The following NHSL2 variants were observed in gnomAD, a reference collection of about 807,000 sequenced individuals.
The protein encoded by NHSL2 is NHS like 2.
Under a neutral mutation model 53.4 loss-of-function variants are expected in NHSL2, and 27 were observed. That is an observed-to-expected ratio of 0.51 (90% CI 0.37 to 0.70). The LOEUF (loss-of-function observed/expected upper bound fraction) is 0.70, where lower values mean the gene tolerates loss of function less well. Ranked by LOEUF, NHSL2 falls within the 30% of genes least tolerant of loss-of-function variation. The pLI, the probability that NHSL2 is intolerant of heterozygous loss-of-function variation, is 0.00. For synonymous variants in NHSL2, 408 were observed against 404.1 expected (o/e 1.01, Z -0.12); for missense variants, 892 against 980.1 (o/e 0.91, Z 1.20).
intron 1 of NHSL2, chrX:72,044,515 G>A (rs1037391716): frequency 3.6e-6 from 2 of 556,293 alleles, no homozygotes; most frequent in African/African-American, 4.6e-5. Context: ...TAAGAAGAGT[G>A]GCCCGCTCTC....
chrX:72,124,443 G>A (rs1398372883), intron 1 of NHSL2, among the ~76,000 whole-genome samples: 1 of 111,354 alleles, frequency 9.0e-6, no homozygotes, highest in Non-Finnish European at 1.9e-5. Flanking sequence ...CTGGATCTGT[G>A]GGTCGGTTCT....
rs1307746047 is a variant in NHSL2 at position 72,076,083 on chromosome X, G to A, written c.281-55996G>A. ...CAAGTAGCTGAGATTACAGGCATAT[G>A]CCACCACGCCCAGCTAATTTTGTAT... On this transcript the variant is annotated intron_variant, in intron 1 of 7. Coordinates refer to ENST00000633930, the MANE Select transcript of NHSL2 (RefSeq NM_001013627.3). Among the ~76,000 whole-genome samples, 4 of 110,838 alleles carry A rather than the reference G, an allele frequency of 3.6e-5. No homozygotes were observed. The East Asian group carries it at 1.1e-3, about 31-fold the overall frequency.
chrX:71,929,816 A>G (rs897259721), intron 1 of NHSL2, among the ~76,000 whole-genome samples: 12 of 109,541 alleles, frequency 1.1e-4, no homozygotes, highest in African/African-American at 3.3e-4. Context: ...GTGCGGTGGC[A>G]TGATTATGGC....
At chrX:71,941,969 C>T (rs766646304) in intron 1 of NHSL2, among the ~76,000 whole-genome samples, 2 of 110,547 alleles carry the variant, frequency 1.8e-5, no homozygotes, top group Admixed American at 9.6e-5. Flanking sequence ...ATCCTGGCAG[C>T]GAGGCCTCTG....
intron 1 of NHSL2, among the ~76,000 whole-genome samples, chrX:71,991,454 A>C (rs1199326126): frequency 1.8e-5 from 2 of 112,985 alleles, no homozygotes; most frequent in Non-Finnish European, 3.7e-5. Flanking sequence ...TCTAATATAC[A>C]GCAGTCAGGC....
intron 1 of NHSL2, among the ~76,000 whole-genome samples, chrX:71,925,609 T>C (rs1190027705): frequency 9.0e-6 from 1 of 111,216 alleles, no homozygotes; most frequent in South Asian, 3.8e-4. Flanking sequence ...ACCCTCATCT[T>C]ACTTTTATAC....
intron 1 of NHSL2, among the ~76,000 whole-genome samples, chrX:72,103,878 C>T (rs1002091686): frequency 8.9e-5 from 10 of 112,563 alleles, no homozygotes; most frequent in Non-Finnish European, 1.9e-4. Context: ...GCCGACTTGA[C>T]CCAGTGCCCG....
chrX:72,010,678 T>A (rs1465867002), intron 1 of NHSL2, among the ~76,000 whole-genome samples: 1 of 112,511 alleles, frequency 8.9e-6, no homozygotes, highest in Admixed American at 9.4e-5. Context: ...GACATATGGA[T>A]CTAGTTCATT....
At chrX:71,922,593 C>T (rs1323571962) in intron 1 of NHSL2, among the ~76,000 whole-genome samples, 1 of 111,978 alleles carries the variant, frequency 8.9e-6, no homozygotes, top group African/African-American at 3.2e-5. Flanking sequence ...GGGAGGATCC[C>T]TTGAGCCCAA....
At chrX:72,048,144 G>A (rs2042316194) in intron 1 of NHSL2, among the ~76,000 whole-genome samples, 1 of 109,994 alleles carries the variant, frequency 9.1e-6, no homozygotes, top group Non-Finnish European at 1.9e-5. Context: ...CTATATGGCA[G>A]GCATTACACT....
Position 72,138,920 on chromosome X carries a change from C to T in NHSL2, c.1372C>T (p.Pro458Ser). Residue 458 changes from proline to serine, a missense_variant, in exon 6 of 8, where the codon CCT becomes TCT. Transcript: ENST00000633930. ...AGGATGCAGTGGGTCAGCTGGCTAC[C>T]CTGAGCGCCTTATTCAGCAAAGGCA... ...PAGCSGSAGY[P>S]ERLIQQRHMP... 8.3e-7 allele frequency: 1 copy of T among 1,209,318 alleles called. No homozygotes were observed. Among genetic ancestry groups the T allele is most frequent in the Non-Finnish European group, 1.1e-6 (1 of 894,174 alleles).
At chrX:71,964,027 G>GTGTGTT (rs1235148982) in intron 1 of NHSL2, among the ~76,000 whole-genome samples, 2 of 14,185 alleles carry the variant, frequency 1.4e-4, no homozygotes, top group East Asian at 1.4e-3. Context: ...ATATATATGT[G>GTGTGTT]TATATATATA....
chrX:72,093,935 C>T (rs1246640085), intron 1 of NHSL2, among the ~76,000 whole-genome samples: 1 of 110,228 alleles, frequency 9.1e-6, no homozygotes, highest in Non-Finnish European at 1.9e-5. Flanking sequence ...GTGTGCTCCA[C>T]CACGCTTGGC....
chrX:71,926,053 AAG>A (rs2041683412), intron 1 of NHSL2, among the ~76,000 whole-genome samples: 3 of 112,033 alleles, frequency 2.7e-5, no homozygotes, highest in African/African-American at 9.8e-5. Context: ...AGATTAAAAA[AAG>A]AGTTAAAATG....
intron 1 of NHSL2, among the ~76,000 whole-genome samples, chrX:72,113,780 G>A (rs771749415): frequency 8.9e-6 from 1 of 112,359 alleles, no homozygotes; most frequent in African/African-American, 3.2e-5. Flanking sequence ...GGGCAATTCA[G>A]ACATTTGGAA....
rs752900922 is a variant in NHSL2 at position 72,138,479 on chromosome X, A to G, written c.931A>G (p.Thr311Ala). 1.2e-5 allele frequency: 14 copies of G among 1,158,419 alleles called. No homozygotes were observed. Among genetic ancestry groups the G allele is most frequent in the Non-Finnish European group, 1.6e-5 (14 of 866,583 alleles). The stretch of plus-strand genomic sequence containing the variant: ...CCCAGCAGGCAGTGTGGCCCACTCT[A>G]CCACCTCCGACATCAGGCCCAGTCA... ...NSPAGSVAHSTTSDIRPSHSV... is the reference protein window; with the variant it reads ...NSPAGSVAHSATSDIRPSHSV... The change falls in exon 6 of 8, where the codon ACC becomes GCC. Residue 311 changes from threonine (T) to alanine (A), a missense_variant. Thr to Ala is a moderately conservative substitution (Grantham distance 58). Coordinates refer to ENST00000633930, the MANE Select transcript of NHSL2 (RefSeq NM_001013627.3).
intron 1 of NHSL2, chrX:72,129,503 C>T (rs2042261415): frequency 4.0e-6 from 1 of 249,306 alleles, no homozygotes; most frequent in Non-Finnish European, 7.2e-6. Context: ...TTAGGAACAA[C>T]CAGAGGGGAA....
intron 1 of NHSL2, among the ~76,000 whole-genome samples, 199 bp downstream of exon 1, chrX:71,911,566 C>T (rs1449271114): frequency 8.9e-6 from 1 of 112,180 alleles, no homozygotes; most frequent in Non-Finnish European, 1.9e-5. Context: ...ACTTCCTGCT[C>T]TTGGACCCGG....
Position 72,132,081 on chromosome X carries a change from G to A in NHSL2, c.283G>A (p.Ala95Thr), listed in dbSNP as rs2042310497. The A allele has an allele frequency of 1.7e-6, 2 of 1,166,909 alleles. No individual in the cohort carries two copies. The highest frequency in any genetic ancestry group is 3.8e-5 in the South Asian group (2 of 52,639). The part of the protein sequence containing the change: ...GPEEDEEELA[A>T]ANSGRENATA... ...TCACTGACTCTCTCCTTCCCTAGCT[G>A]CAGCTAACTCGGGTCGGGAAAATGC... The change falls in exon 2 of 8, where the codon GCA (alanine) becomes ACA (threonine). Residue 95 changes from alanine to threonine, a missense_variant and splice_region_variant. Transcript: ENST00000633930.
Sources: allele counts gnomAD v4.1 joint callset (sites outside exome capture counted in the v4.1 genomes callset), GRCh38; gene constraint gnomAD v4.1.1; transcripts MANE v1.5; gene names NCBI Gene and HGNC (gene_info 2026-07-23, HGNC 2026-07-21).